FRMPD4: variants seen among roughly 807,000 people sequenced by gnomAD.
The protein encoded by FRMPD4 is FERM and PDZ domain containing 4, also known as FERM and PDZ domain-containing protein 4.
In FRMPD4, 22 loss-of-function variants were observed where a neutral mutation model predicts 94.1. That is an observed-to-expected ratio of 0.23 (90% CI 0.17 to 0.33). The LOEUF is 0.33. Among genes scored for constraint, FRMPD4 ranks in the 10% least tolerant of loss-of-function variants. The pLI is 1.00. For missense variants in FRMPD4, 1,111 were observed against 1,339.9 expected (o/e 0.83, Z 2.67); for synonymous variants, 631 against 548.6 (o/e 1.15, Z -2.10).
At chrX:12,026,045 A>AT (rs1189923107) in intron 3 of FRMPD4, among the ~76,000 whole-genome samples, 1 of 112,095 alleles carries the variant, frequency 8.9e-6, no homozygotes, top group Non-Finnish European at 1.9e-5. Context: ...AGTGGTCTAC[A>AT]TATCAATAAA....
At chrX:12,639,534 A>G (rs113359080) in intron 4 of FRMPD4, among the ~76,000 whole-genome samples, 29 of 112,237 alleles carry the variant, frequency 2.6e-4, no homozygotes, top group Middle Eastern at 4.6e-3. Context: ...TACGATACAT[A>G]TGTAATTTGC....
At chrX:11,981,122 A>G (rs765291342) in intron 3 of FRMPD4, among the ~76,000 whole-genome samples, 1 of 111,864 alleles carries the variant, frequency 8.9e-6, no homozygotes, top group East Asian at 2.8e-4. Context: ...AAAATTGCCA[A>G]CCTCTAGCCT....
chrX:11,910,136 TC>T (rs1176747449), intron 3 of FRMPD4, among the ~76,000 whole-genome samples: 1 of 111,672 alleles, frequency 9.0e-6, no homozygotes, highest in Non-Finnish European at 1.9e-5. Flanking sequence ...TTTTGATTTG[TC>T]CATTTCAAGA....
chrX:12,717,085 C>T lies in FRMPD4; in HGVS notation c.2626C>T (p.Leu876=). The T allele has an allele frequency of 8.3e-7, 1 of 1,199,207 alleles. No individual in the cohort carries two copies. Among genetic ancestry groups the T allele is most frequent in the Non-Finnish European group, 1.1e-6 (1 of 886,623 alleles). ...TGCCGTCGTCTCCACGCTGGGAGCT[C>T]TAGAGGCTCTATCCGTGTCAGAAGA... is the stretch of plus-strand genomic sequence containing the variant. The part of the protein sequence containing the change: ...DNAVVSTLGA[L]EALSVSEEQQ... Residue 876 remains leucine (L), a synonymous_variant, in exon 15 of 17, where the codon CTA becomes TTA. Transcript: ENST00000675598.
At chrX:12,348,132 A>G (rs1186318924) in intron 1 of FRMPD4, among the ~76,000 whole-genome samples, 1 of 112,169 alleles carries the variant, frequency 8.9e-6, no homozygotes, top group Non-Finnish European at 1.9e-5. Context: ...TTTCTATATC[A>G]TCACTTACAA....
chrX:12,352,409 A>G (rs1437215224), intron 1 of FRMPD4, among the ~76,000 whole-genome samples: 2 of 112,438 alleles, frequency 1.8e-5, no homozygotes, highest in Admixed American at 9.4e-5. Flanking sequence ...ATTCAATTCA[A>G]TCCAATGTGA....
intron 2 of FRMPD4, among the ~76,000 whole-genome samples, chrX:12,556,181 T>C (rs1413361039): frequency 1.8e-5 from 2 of 111,250 alleles, no homozygotes; most frequent in Non-Finnish European, 3.8e-5. Context: ...TCCTGCTGAA[T>C]ATGGGCAGGA....
At chrX:12,018,339 T>C (rs191619344) in intron 3 of FRMPD4, among the ~76,000 whole-genome samples, 17 of 111,834 alleles carry the variant, frequency 1.5e-4, no homozygotes, top group African/African-American at 5.2e-4. Flanking sequence ...GCCTCCATAT[T>C]CCATGTTCAC....
intron 3 of FRMPD4, among the ~76,000 whole-genome samples, chrX:12,610,575 C>T (rs774052419): frequency 9.0e-6 from 1 of 111,437 alleles, no homozygotes; most frequent in Non-Finnish European, 1.9e-5. Flanking sequence ...GGCAAAACCC[C>T]ATCTCTACTA....
intron 1 of FRMPD4, among the ~76,000 whole-genome samples, chrX:12,164,487 G>A (rs1446895034): frequency 8.9e-6 from 1 of 112,206 alleles, no homozygotes; most frequent in Non-Finnish European, 1.9e-5. Context: ...TTGCTATTGT[G>A]AATAGTGCCA....
chrX:11,982,086 T>A (rs767092706), intron 3 of FRMPD4, among the ~76,000 whole-genome samples: 4 of 112,163 alleles, frequency 3.6e-5, no homozygotes, highest in Non-Finnish European at 5.7e-5. Context: ...TTGCCAAATA[T>A]CTATGCTTTA....
intron 1 of FRMPD4, among the ~76,000 whole-genome samples, chrX:12,170,262 C>T (rs752318517): frequency 8.4e-5 from 9 of 106,818 alleles, no homozygotes; most frequent in South Asian, 4.5e-4. Context: ...TTGCTTGAAA[C>T]GGGGAGGAAT....
intron 3 of FRMPD4, among the ~76,000 whole-genome samples, chrX:11,982,590 T>C (rs1299066637): frequency 8.9e-6 from 1 of 111,838 alleles, no homozygotes; most frequent in Non-Finnish European, 1.9e-5. Context: ...CTTGTCATTT[T>C]CATATTTTCA....
chrX:12,335,551 C>T (rs1388262489), intron 1 of FRMPD4, among the ~76,000 whole-genome samples: 1 of 111,559 alleles, frequency 9.0e-6, no homozygotes, highest in Non-Finnish European at 1.9e-5. Flanking sequence ...AGCCTCCTTC[C>T]CCTTGGACTC....
chrX:12,662,390 T>A (rs1166497348), intron 4 of FRMPD4, among the ~76,000 whole-genome samples: 1 of 109,553 alleles, frequency 9.1e-6, no homozygotes, highest in Non-Finnish European at 1.9e-5. Context: ...TGTGATGTTC[T>A]CCTCCCTGTG....
intron 1 of FRMPD4, among the ~76,000 whole-genome samples, chrX:12,192,323 A>G (rs977120467): frequency 1.8e-5 from 2 of 112,193 alleles, no homozygotes; most frequent in African/African-American, 6.5e-5. Context: ...GCCATCCTTG[A>G]TGATTTAATT....
intron 4 of FRMPD4, among the ~76,000 whole-genome samples, chrX:12,630,480 G>C (rs977242707): frequency 8.9e-6 from 1 of 112,388 alleles, no homozygotes; most frequent in Non-Finnish European, 1.9e-5. Context: ...CTGAAGATAA[G>C]AGTGTATAGA....
chrX:11,894,705 T>C (rs770150049), intron 3 of FRMPD4, among the ~76,000 whole-genome samples: 1 of 112,104 alleles, frequency 8.9e-6, no homozygotes, highest in East Asian at 2.8e-4. Flanking sequence ...TCAATGTGTG[T>C]AAGACTCACC....
chrX:12,199,759 T>C (rs1293114780), intron 1 of FRMPD4, among the ~76,000 whole-genome samples: 1 of 111,872 alleles, frequency 8.9e-6, no homozygotes, highest in Non-Finnish European at 1.9e-5. Context: ...TATTCAGAGC[T>C]CGCTGTGCAA....
Sources: gnomAD v4.1 joint callset for allele counts (sites outside exome capture counted in the v4.1 genomes callset) on GRCh38, gnomAD v4.1.1 for gene constraint, MANE v1.5 for transcripts, NCBI Gene and HGNC (gene_info 2026-07-23, HGNC 2026-07-21) for gene names.